Variants in STK33 observed in about 807,000 individuals in gnomAD.
The protein encoded by STK33 is serine/threonine-protein kinase 33.
STK33 carries 52 observed loss-of-function variants against 58.0 expected under a neutral mutation model. That is an observed-to-expected ratio of 0.90 (90% confidence interval 0.72 to 1.13). STK33 has a LOEUF of 1.13. STK33 is among the 50% of genes most tolerant of loss of function. STK33 has a pLI of 0.00. For synonymous variants in STK33, 215 were observed against 200.1 expected, an observed-to-expected ratio of 1.07 and a Z score of -0.63; for missense variants, 630 against 604.2, an observed-to-expected ratio of 1.04 and a Z score of -0.45.
intron 1 of STK33, among the ~76,000 whole-genome samples, chr11:8,528,049 T>C (rs1431148848): frequency 1.3e-5 from 2 of 152,166 alleles, no homozygotes; most frequent in African/African-American, 4.8e-5. Context: ...TAATATGCAT[T>C]GGGTAGTGTT....
intron 1 of STK33, among the ~76,000 whole-genome samples, chr11:8,501,667 T>C (rs933759232): frequency 1.3e-5 from 2 of 152,208 alleles, no homozygotes; most frequent in African/African-American, 4.8e-5. Context: ...ATCTACCATA[T>C]GATCCAGCAA....
intron 1 of STK33, among the ~76,000 whole-genome samples, chr11:8,488,792 C>CA (rs1302287211): frequency 1.3e-5 from 2 of 151,860 alleles, no homozygotes; most frequent in Non-Finnish European, 2.9e-5. Flanking sequence ...CAATTTTCAA[C>CA]AAAAAATTAT....
chr11:8,455,523 A>T (rs1946739485), intron 9 of STK33, among the ~76,000 whole-genome samples: 1 of 152,166 alleles, frequency 6.6e-6, no homozygotes, highest in African/African-American at 2.4e-5. Flanking sequence ...AAAAAGTTAT[A>T]CACGGCCAGG....
the STK33 span, among the ~76,000 whole-genome samples, chr11:8,352,771 G>A: frequency 6.6e-6 from 1 of 152,290 alleles, no homozygotes; most frequent in South Asian, 2.1e-4. Flanking sequence ...CATCATCAAG[G>A]CGTAATGAGT....
intron 11 of STK33, among the ~76,000 whole-genome samples, chr11:8,450,868 G>A (rs145999184): frequency 1.2e-4 from 18 of 152,170 alleles, no homozygotes; most frequent in African/African-American, 4.1e-4. Flanking sequence ...AGAAAAATAC[G>A]ATTATCTCAA....
At chr11:8,451,319 C>A (rs1428684725) in intron 11 of STK33, among the ~76,000 whole-genome samples, 1 of 152,082 alleles carries the variant, frequency 6.6e-6, no homozygotes, top group East Asian at 1.9e-4. Context: ...TAGCCATAAA[C>A]TGGTAAAAAT....
intron 1 of STK33, among the ~76,000 whole-genome samples, chr11:8,492,898 A>G (rs191514933): frequency 6.6e-6 from 1 of 152,352 alleles, no homozygotes; most frequent in Admixed American, 6.5e-5. Flanking sequence ...TTTGAAACCA[A>G]TGAGAACGAA....
chr11:8,339,809 C>A, the STK33 span, among the ~76,000 whole-genome samples: 1 of 152,370 alleles, frequency 6.6e-6, no homozygotes, highest in Non-Finnish European at 1.5e-5. Flanking sequence ...ACACAGCCTC[C>A]AAGCCCAACC....
chr11:8,538,943 A>T (rs1256658594), intron 1 of STK33, among the ~76,000 whole-genome samples: 1 of 152,246 alleles, frequency 6.6e-6, no homozygotes, highest in Admixed American at 6.5e-5. Context: ...CTGGCCAATT[A>T]ACCTTTCTGA....
rs148957456 is a variant in STK33, at chr11:8,413,473, A to G, written c.1344+22T>C. 5,527 of 1,612,814 alleles carry G rather than the reference A, an allele frequency of 3.4e-3. 14 individuals carry two copies. The highest frequency in any genetic ancestry group is 4.3e-3 in the Non-Finnish European group (5,121 of 1,178,986). ...TGAGGGTATTTTACACTTGGGAGAA[A>G]TGCAGCAATGATTCTTCCTACCTGT... On this transcript the variant is annotated intron_variant, in intron 15 of 15. Coordinates refer to ENST00000687296, the MANE Select transcript of STK33 (RefSeq NM_001352389.2).
intron 4 of STK33, among the ~76,000 whole-genome samples, chr11:8,476,480 A>G (rs955171155): frequency 6.6e-6 from 1 of 152,176 alleles, no homozygotes; most frequent in Admixed American, 6.5e-5. Context: ...CCTTTCTCTC[A>G]GATACAGTAG....
intron 14 of STK33, among the ~76,000 whole-genome samples, chr11:8,430,876 T>TC: frequency 6.6e-6 from 1 of 151,288 alleles, no homozygotes; most frequent in African/African-American, 2.4e-5. Flanking sequence ...ATTTTTTTTT[T>TC]TTTTTTTTGA....
At chr11:8,471,551 T>C (rs989441917) in intron 6 of STK33, among the ~76,000 whole-genome samples, 9 of 152,152 alleles carry the variant, frequency 5.9e-5, no homozygotes, top group African/African-American at 2.2e-4. Context: ...TAAATATTAA[T>C]AGTAGCTATG....
At chr11:8,571,212 A>C (rs893709429) in intron 1 of STK33, among the ~76,000 whole-genome samples, 1 of 152,202 alleles carries the variant, frequency 6.6e-6, no homozygotes, top group Non-Finnish European at 1.5e-5. Flanking sequence ...CATGCACATG[A>C]GTCTCGGCTA....
At chr11:8,446,683 T>C (rs891240774) in intron 11 of STK33, among the ~76,000 whole-genome samples, 1 of 152,182 alleles carries the variant, frequency 6.6e-6, no homozygotes, top group Non-Finnish European at 1.5e-5. Context: ...AACCATCTGA[T>C]CTTTGACAAA....
At chr11:8,570,514 G>GA (rs572612413) in intron 1 of STK33, among the ~76,000 whole-genome samples, 92 of 152,260 alleles carry the variant, frequency 6.0e-4, no homozygotes, top group African/African-American at 2.1e-3. Flanking sequence ...CAACCCAAAT[G>GA]AATGTCCAAC....
chr11:8,550,725 C>A (rs908751359), intron 1 of STK33, among the ~76,000 whole-genome samples: 4 of 152,170 alleles, frequency 2.6e-5, no homozygotes, highest in African/African-American at 9.6e-5. Flanking sequence ...CTGAGACCAC[C>A]TCAGCCTGGG....
At chr11:8,338,804 C>T in the STK33 span, among the ~76,000 whole-genome samples, 1 of 151,884 alleles carries the variant, frequency 6.6e-6, no homozygotes, top group East Asian at 1.9e-4. Flanking sequence ...CTCATGTGTC[C>T]CTCTCTCTCT....
At chr11:8,472,684 T>C (rs1948893311) in intron 6 of STK33, among the ~76,000 whole-genome samples, 1 of 152,224 alleles carries the variant, frequency 6.6e-6, no homozygotes, top group African/African-American at 2.4e-5. Flanking sequence ...TTTTTTATTG[T>C]TCTAACATTT....
Sources: allele counts gnomAD v4.1 joint callset (sites outside exome capture counted in the v4.1 genomes callset), GRCh38; gene constraint gnomAD v4.1.1; transcripts MANE v1.5; gene names NCBI Gene and HGNC (gene_info 2026-07-23, HGNC 2026-07-21).